NIPBL: variants seen among roughly 807,000 people sequenced by gnomAD.
The protein encoded by NIPBL is NIPBL cohesin loading factor.
In NIPBL, 19 loss-of-function variants were observed where a neutral mutation model predicts 321.8. The ratio of observed to expected loss-of-function variants is 0.06; its 90% CI spans 0.04 to 0.09. The LOEUF (loss-of-function observed/expected upper bound fraction) is 0.09, where lower values mean the gene tolerates loss of function less well. Among genes scored for constraint, NIPBL ranks in the 10% least tolerant of loss-of-function variants. The pLI is 1.00. For missense variants in NIPBL, 2,210 were observed against 3,327.0 expected (o/e 0.66, Z 8.26); for synonymous variants, 1,106 against 1,114.1 (o/e 0.99, Z 0.14).
chr5:36,912,041 A>G, intron 1 of NIPBL, among the ~76,000 whole-genome samples: 1 of 152,240 alleles, frequency 6.6e-6, no homozygotes, highest in East Asian at 1.9e-4. Context: ...ACAATGAGGA[A>G]GCTAACTGTA....
At position 36,880,906 on chromosome 5, in the gene NIPBL, A is replaced by G. The variant is rs1032710899; in HGVS notation, c.-80+3728A>G. ...TTAAGAGACCATATGATTTGTGTAGATTCATGTAGTAAGTCAGCCGGAGGA... is the reference window on the plus strand; with the variant it reads ...TTAAGAGACCATATGATTTGTGTAGGTTCATGTAGTAAGTCAGCCGGAGGA... On this transcript the variant is annotated intron_variant, in intron 1 of 46. Coordinates refer to ENST00000282516, the MANE Select transcript of NIPBL (RefSeq NM_133433.4). Among the ~76,000 whole-genome samples the G allele has an allele frequency of 7.9e-5, 12 of 152,148 alleles. No individual in the cohort carries two copies. The East Asian group carries it at 2.1e-3, about 27-fold the overall frequency.
At chr5:36,958,766 G>A (rs186444137) in intron 4 of NIPBL, among the ~76,000 whole-genome samples, 1 of 152,086 alleles carries the variant, frequency 6.6e-6, no homozygotes, top group Admixed American at 6.6e-5. Context: ...TAGTCATGGA[G>A]TACCTTTGGG....
chr5:36,960,066 A>G (rs1030884691), intron 4 of NIPBL, among the ~76,000 whole-genome samples: 4 of 152,168 alleles, frequency 2.6e-5, no homozygotes, highest in Non-Finnish European at 5.9e-5. Flanking sequence ...ACCCTGTCTC[A>G]TTGAAAAATA....
rs185678374 is a variant in NIPBL at position 36,985,474 on chromosome 5, G to A, written c.2294G>A (p.Arg765Lys). The A allele has an allele frequency of 6.5e-4, 1,049 of 1,613,722 alleles. 2 individuals are homozygous for A. The highest frequency in any genetic ancestry group is 7.7e-4 in the Non-Finnish European group (910 of 1,179,964). Residue 765 changes from arginine to lysine, a missense_variant, in exon 10 of 47, where the codon AGG becomes AAG. Coordinates refer to ENST00000282516, the MANE Select transcript of NIPBL (RefSeq NM_133433.4). ...ACACCAAAACACAGGCATGACAATA[G>A]GAGGGATTCTGGAAAGCCATCTACA... The part of the protein sequence containing the change: ...PETPKHRHDN[R>K]RDSGKPSTEK...
intron 1 of NIPBL, among the ~76,000 whole-genome samples, chr5:36,912,033 A>G (rs1237890208): frequency 6.6e-6 from 1 of 152,216 alleles, no homozygotes; most frequent in East Asian, 1.9e-4. Flanking sequence ...AGTGTGATAC[A>G]ATGAGGAAGC....
intron 43 of NIPBL, among the ~76,000 whole-genome samples, chr5:37,057,978 A>G (rs1030715776): frequency 1.1e-4 from 17 of 152,228 alleles, no homozygotes; most frequent in African/African-American, 4.1e-4. Flanking sequence ...CTCATTTTAT[A>G]AAATTGTATT....
At chr5:36,894,658 G>A (rs1459845438) in intron 1 of NIPBL, among the ~76,000 whole-genome samples, 4 of 151,918 alleles carry the variant, frequency 2.6e-5, no homozygotes, top group East Asian at 1.9e-4. Flanking sequence ...CCCCCACTGC[G>A]GGGAGGTGGC....
At chr5:37,003,128 A>C in intron 15 of NIPBL, 133 bp from the exon 16 acceptor site, 1 of 582,786 alleles carries the variant, frequency 1.7e-6, no homozygotes, top group East Asian at 2.8e-5. Flanking sequence ...TAAGTGGGAA[A>C]GTTTTCTTAC....
At chr5:37,001,260 T>C (rs1580439043) in intron 14 of NIPBL, among the ~76,000 whole-genome samples, 182 bp downstream of exon 14, 1 of 152,276 alleles carries the variant, frequency 6.6e-6, no homozygotes, top group African/African-American at 2.4e-5. Context: ...ACTGCTCTTT[T>C]CTGAATCCCT....
chr5:36,898,607 G>T (rs1195609172), intron 1 of NIPBL, among the ~76,000 whole-genome samples: 2 of 151,716 alleles, frequency 1.3e-5, no homozygotes, highest in Non-Finnish European at 2.9e-5. Flanking sequence ...CGCCTCCCAG[G>T]TTCAAGTGAT....
intron 1 of NIPBL, chr5:36,885,594 A>G: frequency 5.6e-6 from 3 of 533,858 alleles, no homozygotes; most frequent in South Asian, 4.2e-5. Flanking sequence ...CATTACTTCA[A>G]GACCATCGAG....
chr5:36,973,617 G>T (rs1212895864), intron 8 of NIPBL, among the ~76,000 whole-genome samples: 1 of 152,060 alleles, frequency 6.6e-6, no homozygotes, highest in Non-Finnish European at 1.5e-5. Context: ...ACAGGCACAT[G>T]CCACCACGCC....
intron 23 of NIPBL, 53 bp downstream of exon 23, chr5:37,016,223 G>A (rs1748977104): frequency 6.5e-7 from 1 of 1,536,336 alleles, no homozygotes; most frequent in African/African-American, 1.4e-5. Context: ...AACATAATGA[G>A]GATGTACTCT....
Position 37,065,761 on chromosome 5 carries a change from G to A in NIPBL, c.*869G>A, listed in dbSNP as rs1009745639. The A allele has an allele frequency of 6.6e-6, 1 of 152,524 alleles. No individual in the cohort carries two copies. The highest frequency in any genetic ancestry group is 2.4e-5 in the African/African-American group (1 of 41,408). 9.4% of individuals were successfully genotyped at this position (152,524 alleles called of 1,614,324 possible). A position where few individuals can be genotyped will look rare whatever the true frequency, so the allele number is the denominator to read the frequency against. Reference sequence around the variant, plus strand: ...TTTAGTATTAACTATATATGATTTAGCACTGTGCCAAACACATTTTCAAGA... The same window carrying A: ...TTTAGTATTAACTATATATGATTTAACACTGTGCCAAACACATTTTCAAGA... On this transcript the variant is annotated 3_prime_UTR_variant, in exon 47 of 47. Transcript: ENST00000282516.
intron 9 of NIPBL, among the ~76,000 whole-genome samples, chr5:36,979,612 C>G (rs939984170): frequency 1.3e-5 from 2 of 151,480 alleles, no homozygotes; most frequent in Non-Finnish European, 3.0e-5. Context: ...GGTAGGACTT[C>G]TGGAATTTTT....
At chr5:36,948,068 G>C (rs1204057782) in intron 1 of NIPBL, among the ~76,000 whole-genome samples, 19 of 151,856 alleles carry the variant, frequency 1.3e-4, no homozygotes. Flanking sequence ...CTGTAAAGTT[G>C]GTTCAGGCTT....
intron 32 of NIPBL, among the ~76,000 whole-genome samples, chr5:37,033,701 C>CAA (rs1751342579): frequency 1.6e-5 from 1 of 63,440 alleles, no homozygotes; most frequent in Non-Finnish European, 2.9e-5. Context: ...CACACACACA[C>CAA]ACACATATAT....
At chr5:37,027,526 G>T in intron 32 of NIPBL, 114 bp downstream of exon 32, 1 of 727,858 alleles carries the variant, frequency 1.4e-6, no homozygotes. Flanking sequence ...AGTTCTTTTG[G>T]TAGGGAAAAT....
intron 1 of NIPBL, among the ~76,000 whole-genome samples, chr5:36,939,783 A>G (rs1012816509): frequency 1.3e-5 from 2 of 152,180 alleles, no homozygotes; most frequent in African/African-American, 2.4e-5. Flanking sequence ...GTGGGGAGAA[A>G]TAGAAGGGGA....
Sources: allele counts gnomAD v4.1 joint callset (sites outside exome capture counted in the v4.1 genomes callset), GRCh38; gene constraint gnomAD v4.1.1; transcripts MANE v1.5; gene names NCBI Gene and HGNC (gene_info 2026-07-23, HGNC 2026-07-21).